Variants in TDRD7 observed in about 807,000 individuals in gnomAD.
TDRD7 encodes the protein tudor domain-containing protein 7.
A neutral mutation model predicts 109.8 loss-of-function variants in TDRD7; 47 were observed. The observed-to-expected ratio is 0.43, with a 90% CI of 0.34 to 0.55. TDRD7 has a LOEUF of 0.55. Ranked by LOEUF, TDRD7 falls within the 20% of genes least tolerant of loss-of-function variation. The probability of loss-of-function intolerance (pLI) is 0.03; values close to 1 mark genes in which losing one functional copy is unlikely to be tolerated. For missense variants in TDRD7, 1,164 were observed against 1,319.2 expected (o/e 0.88, Z 1.82); for synonymous variants, 424 against 457.3 (o/e 0.93, Z 0.93).
intron 4 of TDRD7, 134 bp downstream of exon 4, chr9:97,432,372 G>T (rs1253818670): frequency 1.0e-5 from 8 of 785,754 alleles, no homozygotes; most frequent in Non-Finnish European, 1.7e-5. Flanking sequence ...ATCATTACCA[G>T]TTAAGTTCAC....
chr9:97,431,819 T>C (rs886491439), intron 3 of TDRD7, among the ~76,000 whole-genome samples: 27 of 152,140 alleles, frequency 1.8e-4, no homozygotes, highest in Non-Finnish European at 1.5e-5. Flanking sequence ...TACTGGCCAG[T>C]CTGATGGATG....
In TDRD7 at chr9:97,483,321, A is replaced by C. The variant is rs754655694; in HGVS notation, c.2885A>C (p.Asp962Ala). 1.9e-6 allele frequency: 3 copies of C among 1,614,194 alleles called. No homozygotes were observed. Among genetic ancestry groups the C allele is most frequent in the Non-Finnish European group, 2.5e-6 (3 of 1,180,038 alleles). ...SEERHIAVEK[D>A]QVYAAKVENK... ...GAGCGCCACATAGCAGTGGAGAAAG[A>C]CCAAGTGTATGCTGCAAAAGTGGAA... The change falls in exon 15 of 17, where the codon GAC becomes GCC. Residue 962 changes from aspartate to alanine, a missense_variant. Physicochemically the swap from Asp to Ala is moderately radical, Grantham distance 126. Around this residue, in one of 5 missense-constraint regions of TDRD7, gnomAD observed 162 missense variants for 222.5 expected, o/e 0.73. Coordinates refer to ENST00000355295, the MANE Select transcript of TDRD7 (RefSeq NM_014290.3).
rs1489100455 is a variant in TDRD7, at chr9:97,460,483, A to G, written c.1161A>G (p.Val387=). Residue 387 remains valine, a synonymous_variant, in exon 7 of 17, where the codon GTA becomes GTG. Coordinates refer to ENST00000355295, the MANE Select transcript of TDRD7 (RefSeq NM_014290.3). ...ALKNLASLSD[V]CSIDYISGNP... is the part of the protein sequence containing the mutation. ...AAAATCTTGCCTCACTTTCTGATGT[A>G]TGCAGCATAGACTACATTTCTGGAA... 1.2e-6 allele frequency: 2 copies of G among 1,614,230 alleles called. No individual in the cohort carries two copies. Among genetic ancestry groups the G allele is most frequent in the African/African-American group, 1.3e-5 (1 of 75,062 alleles).
chr9:97,490,555 G>GC lies in TDRD7; in HGVS notation c.3076+3223_3076+3224insC, dbSNP rs201208173. On this transcript the variant is annotated intron_variant, in intron 16 of 16. Transcript: ENST00000355295. The stretch of plus-strand genomic sequence containing the variant: ...ATGCCTAGATATATTTTGGTGGGGG[G>GC]GGGGGCATTTATCTTGCTTGGTGTT... Among the ~76,000 whole-genome samples, 1,032 of 143,308 alleles carry GC rather than the reference G, an allele frequency of 7.2e-3. 21 individuals carry two copies. The highest frequency in any genetic ancestry group is 0.029 in the Middle Eastern group (8 of 274). 94.0% of individuals were successfully genotyped at this position (143,308 alleles called of 152,430 possible).
intron 2 of TDRD7, among the ~76,000 whole-genome samples, chr9:97,428,880 A>G (rs1171161685): frequency 6.6e-6 from 1 of 152,254 alleles, no homozygotes; most frequent in Non-Finnish European, 1.5e-5. Flanking sequence ...CATTGTAAAA[A>G]TAAGATTTTA....
intron 6 of TDRD7, among the ~76,000 whole-genome samples, chr9:97,443,438 G>A (rs1032893104): frequency 9.2e-5 from 14 of 152,138 alleles, no homozygotes; most frequent in African/African-American, 3.4e-4. Context: ...TGTGACCTCT[G>A]ATTTATGTGG....
chr9:97,484,006 T>TATTATAA (rs1364180210), intron 15 of TDRD7, among the ~76,000 whole-genome samples: 2 of 152,200 alleles, frequency 1.3e-5, no homozygotes, highest in Non-Finnish European at 2.9e-5. Flanking sequence ...TATTTTTCAC[T>TATTATAA]ATTATAAATA....
intron 1 of TDRD7, among the ~76,000 whole-genome samples, chr9:97,414,092 T>C (rs1210631833): frequency 6.6e-6 from 1 of 152,250 alleles, no homozygotes; most frequent in Non-Finnish European, 1.5e-5. Context: ...CTGGACACTT[T>C]CACAGAAGTT....
At chr9:97,441,028 T>C (rs1021878304) in intron 5 of TDRD7, among the ~76,000 whole-genome samples, 1 of 152,168 alleles carries the variant, frequency 6.6e-6, no homozygotes, top group Non-Finnish European at 1.5e-5. Flanking sequence ...ATTGGGGAAA[T>C]AAAAGTTATC....
At chr9:97,455,884 GTC>G (rs1391179196) in intron 6 of TDRD7, among the ~76,000 whole-genome samples, 1 of 152,184 alleles carries the variant, frequency 6.6e-6, no homozygotes, top group Non-Finnish European at 1.5e-5. Context: ...GAGCCAAGTT[GTC>G]TCTGTTTGCA....
chr9:97,434,135 T>G (rs1828154406), intron 4 of TDRD7, among the ~76,000 whole-genome samples: 1 of 152,166 alleles, frequency 6.6e-6, no homozygotes. Flanking sequence ...AATGAATGGA[T>G]AAAGAATATG....
intron 1 of TDRD7, among the ~76,000 whole-genome samples, chr9:97,423,398 C>CT (rs74312835): frequency 0.011 from 1,539 of 142,218 alleles, 57 homozygotes; most frequent in East Asian, 0.082. Flanking sequence ...TTTGTGCCTT[C>CT]TTTTTTTTTT....
chr9:97,487,356 C>G (rs368967996), intron 16 of TDRD7, 24 bp downstream of exon 16: 6 of 1,613,746 alleles, frequency 3.7e-6, no homozygotes, highest in East Asian at 4.5e-5. Flanking sequence ...AATCTGAACT[C>G]ATGCTACAAC....
intron 13 of TDRD7, among the ~76,000 whole-genome samples, chr9:97,480,065 G>A (rs1829089599): frequency 6.6e-6 from 1 of 152,204 alleles, no homozygotes; most frequent in African/African-American, 2.4e-5. Context: ...TCCTGAGGGA[G>A]GAAGGCAGGA....
chr9:97,454,087 A>G (rs1828557832), intron 6 of TDRD7, among the ~76,000 whole-genome samples: 1 of 152,362 alleles, frequency 6.6e-6, no homozygotes, highest in East Asian at 1.9e-4. Flanking sequence ...AATCAACAGA[A>G]TATACATTCT....
Position 97,487,264 on chromosome 9 carries a change from G to C in TDRD7, c.3008G>C (p.Arg1003Thr). 1 of 1,613,996 alleles carries C rather than the reference G, an allele frequency of 6.2e-7. No homozygotes were observed. Among genetic ancestry groups the C allele is most frequent in the Non-Finnish European group, 8.5e-7 (1 of 1,179,944 alleles). ...GGCAAACACGAATTAGTCAACATAA[G>C]AAAAGTACAGCCCCTAGTGGACATG... is the stretch of plus-strand genomic sequence containing the variant. ...DYGKHELVNIRKVQPLVDMFR... is the reference protein window; with the variant it reads ...DYGKHELVNITKVQPLVDMFR... The change falls in exon 16 of 17, where the codon AGA (arginine) becomes ACA (threonine). Residue 1003 changes from arginine (R) to threonine (T), a missense_variant. By Grantham distance (71) the Arg-to-Thr change is moderately conservative. This residue lies in a region of TDRD7 where 162 missense variants were observed against 222.5 expected (regional missense o/e 0.73). Coordinates refer to ENST00000355295, the MANE Select transcript of TDRD7 (RefSeq NM_014290.3).
intron 6 of TDRD7, among the ~76,000 whole-genome samples, chr9:97,447,149 A>G (rs1220523572): frequency 6.6e-6 from 1 of 152,244 alleles, no homozygotes; most frequent in African/African-American, 2.4e-5. Flanking sequence ...TGAAATCAGA[A>G]TAGCGAAGTT....
intron 1 of TDRD7, among the ~76,000 whole-genome samples, chr9:97,423,408 T>G (rs1291765246): frequency 2.0e-5 from 3 of 152,032 alleles, no homozygotes; most frequent in Non-Finnish European, 4.4e-5. Flanking sequence ...CTTTTTTTTT[T>G]TTCTATGTTT....
intron 14 of TDRD7, among the ~76,000 whole-genome samples, chr9:97,481,470 T>A (rs1478902231): frequency 1.3e-5 from 2 of 152,236 alleles, no homozygotes; most frequent in Non-Finnish European, 1.5e-5. Flanking sequence ...AAAACATTGC[T>A]CATATATCCA....
Sources: gnomAD v4.1 joint callset for allele counts (sites outside exome capture counted in the v4.1 genomes callset) on GRCh38, gnomAD v4.1.1 for gene constraint, gnomAD v4.1.1 regional missense constraint, MANE v1.5 for transcripts, NCBI Gene and HGNC (gene_info 2026-07-23, HGNC 2026-07-21) for gene names.